Variants in TMEM74 observed in about 807,000 individuals in gnomAD.
TMEM74 encodes transmembrane protein 74.
A neutral mutation model predicts 18.1 loss-of-function variants in TMEM74; 13 were observed. That is an observed-to-expected ratio of 0.72 (90% confidence interval 0.47 to 1.14). The LOEUF is 1.14. Ranked by LOEUF, TMEM74 falls within the 50% of genes most tolerant of loss-of-function variation. The probability of loss-of-function intolerance (pLI) is 0.00; values close to 1 mark genes in which losing one functional copy is unlikely to be tolerated. For synonymous variants in TMEM74, 159 were observed against 146.6 expected, an observed-to-expected ratio of 1.08 and a Z score of -0.61; for missense variants, 372 against 375.9, an observed-to-expected ratio of 0.99 and a Z score of 0.09.
At chr8:108,736,807 G>C (rs900236685) in intron 1 of TMEM74, among the ~76,000 whole-genome samples, 7 of 152,100 alleles carry the variant, frequency 4.6e-5, no homozygotes, top group Admixed American at 6.5e-5. Context: ...CTAGTGGGCT[G>C]TATGAGTAGA....
chr8:108,752,914 A>G (rs1259929503), intron 1 of TMEM74, among the ~76,000 whole-genome samples: 1 of 152,060 alleles, frequency 6.6e-6, no homozygotes, highest in African/African-American at 2.4e-5. Flanking sequence ...AAAATCCTAT[A>G]AGTGAGCAGC....
At chr8:108,615,933 C>T (rs573146429) in intron 2 of TMEM74, among the ~76,000 whole-genome samples, 146 of 149,338 alleles carry the variant, frequency 9.8e-4, no homozygotes, top group African/African-American at 3.0e-3. Flanking sequence ...ACTACAGGCA[C>T]GTGCCACCAC....
intron 1 of TMEM74, among the ~76,000 whole-genome samples, chr8:108,720,045 G>A (rs1813570591): frequency 1.3e-5 from 2 of 152,108 alleles, no homozygotes; most frequent in African/African-American, 4.8e-5. Context: ...TGTTGTTCAT[G>A]TAAACAACCT....
At chr8:108,682,679 T>A (rs1813127595) in intron 1 of TMEM74, among the ~76,000 whole-genome samples, 1 of 152,052 alleles carries the variant, frequency 6.6e-6, no homozygotes, top group Non-Finnish European at 1.5e-5. Context: ...ATTATGCAGT[T>A]TGTAATTAAA....
chr8:108,696,358 A>G (rs756796134), intron 1 of TMEM74, among the ~76,000 whole-genome samples: 2 of 152,214 alleles, frequency 1.3e-5, no homozygotes, highest in Non-Finnish European at 2.9e-5. Flanking sequence ...AAGTTAAAAA[A>G]CTTGTTCAAA....
intron 1 of TMEM74, among the ~76,000 whole-genome samples, chr8:108,668,557 C>T (rs1283979286): frequency 2.6e-5 from 4 of 152,104 alleles, no homozygotes; most frequent in Non-Finnish European, 5.9e-5. Context: ...CTGACAGCTA[C>T]ACTTATTCCC....
rs529387227 is a variant in TMEM74 at position 108,768,756 on chromosome 8, C to T, written n.119+18720G>A. ...TGCTGCTCTCAGGTCTGGCTCAAAC[C>T]TTCACCTGTTTCCCTAAGGATCATG... On this transcript the variant is annotated intron_variant and non_coding_transcript_variant, in intron 1 of 3. Coordinates refer to the TMEM74 transcript ENST00000518838. Among the ~76,000 whole-genome samples, 143 of 152,276 alleles carry T rather than the reference C, an allele frequency of 9.4e-4. 1 individual carries two copies. Among genetic ancestry groups the T allele is most frequent in the Non-Finnish European group, 1.8e-3 (122 of 68,018 alleles).
chr8:108,700,610 A>G (rs1206117719), intron 1 of TMEM74, among the ~76,000 whole-genome samples: 1 of 152,164 alleles, frequency 6.6e-6, no homozygotes, highest in African/African-American at 2.4e-5. Flanking sequence ...GAGAAGTGCA[A>G]TCAGATAGCA....
chr8:108,694,688 C>G (rs1211835247), intron 1 of TMEM74, among the ~76,000 whole-genome samples: 5 of 152,210 alleles, frequency 3.3e-5, no homozygotes, highest in Non-Finnish European at 7.3e-5. Flanking sequence ...TGCATACATA[C>G]ATACACATAT....
At chr8:108,739,770 G>A (rs1324384816) in intron 1 of TMEM74, among the ~76,000 whole-genome samples, 1 of 152,032 alleles carries the variant, frequency 6.6e-6, no homozygotes, top group East Asian at 1.9e-4. Context: ...TGGCTAGCTT[G>A]GGGACTGGGA....
chr8:108,632,272 G>A (rs1812560299), intron 2 of TMEM74, among the ~76,000 whole-genome samples: 1 of 151,916 alleles, frequency 6.6e-6, no homozygotes, highest in African/African-American at 2.4e-5. Context: ...TGATAGGACA[G>A]AAAAAATGCT....
At chr8:108,622,691 G>C (rs1180046356) in intron 2 of TMEM74, among the ~76,000 whole-genome samples, 1 of 151,890 alleles carries the variant, frequency 6.6e-6, no homozygotes, top group African/African-American at 2.4e-5. Context: ...TTTATAGTTT[G>C]GTATAATGTA....
At chr8:108,760,173 A>G (rs62509390) in intron 1 of TMEM74, among the ~76,000 whole-genome samples, 9,975 of 148,464 alleles carry the variant, frequency 0.067, 438 homozygotes, top group East Asian at 0.21. Flanking sequence ...AGAGAGAGAG[A>G]GGGAGAGAGA....
intron 1 of TMEM74, among the ~76,000 whole-genome samples, chr8:108,679,437 A>G (rs1813090154): frequency 6.6e-6 from 1 of 152,162 alleles, no homozygotes; most frequent in Non-Finnish European, 1.5e-5. Context: ...AATGATTGTC[A>G]TTCTAACTGG....
chr8:108,742,826 C>T (rs1013683174), intron 1 of TMEM74, among the ~76,000 whole-genome samples: 6 of 152,080 alleles, frequency 3.9e-5, no homozygotes, highest in African/African-American at 1.4e-4. Flanking sequence ...TAGAGACTTC[C>T]GTGTGAATCA....
chr8:108,652,853 T>C, intron 2 of TMEM74: 1 of 529,100 alleles, frequency 1.9e-6, no homozygotes, highest in Non-Finnish European at 3.7e-6. Context: ...ATGGTTCAGA[T>C]GAAATCTAAT....
In TMEM74 at chr8:108,724,364, C is replaced by A. The variant is rs191634836; in HGVS notation, n.119+63112G>T. ...TTATTTAATTGAGTATCAACAGAAC[C>A]TCCCAGAGTGCAGAACATCATAGCT... On this transcript the variant is annotated intron_variant and non_coding_transcript_variant, in intron 1 of 3. Coordinates refer to the TMEM74 transcript ENST00000518838. Among the ~76,000 whole-genome samples the A allele has an allele frequency of 5.3e-5, 8 of 152,202 alleles. 1 individual carries two copies. Among genetic ancestry groups the A allele is most frequent in the Admixed American group, 4.6e-4 (7 of 15,284 alleles).
At chr8:108,786,961 C>T (rs972392273) in intron 1 of TMEM74, among the ~76,000 whole-genome samples, 1 of 152,150 alleles carries the variant, frequency 6.6e-6, no homozygotes, top group Non-Finnish European at 1.5e-5. Context: ...GCAGCACAGT[C>T]GATTTCCTTT....
rs563729429 is a variant in TMEM74 at position 108,669,799 on chromosome 8, AGGCTGAGGTG to A, written n.120-14372_120-14363del. Among the ~76,000 whole-genome samples, 21 of 152,202 alleles carry A rather than the reference AGGCTGAGGTG, an allele frequency of 1.4e-4. No homozygotes were observed. In the South Asian group the frequency reaches 4.3e-3, roughly 32 times the overall value. On this transcript the variant is annotated intron_variant and non_coding_transcript_variant, in intron 1 of 3. Transcript: ENST00000518838. ...ACGCCAGTAATCCCAGCACTTTGGG[AGGCTGAGGTG>A]GGCGGATCACCTAAGGTCAGGAGTT...
Sources: allele counts gnomAD v4.1 joint callset (sites outside exome capture counted in the v4.1 genomes callset), GRCh38; gene constraint gnomAD v4.1.1; transcripts MANE v1.5; gene names NCBI Gene and HGNC (gene_info 2026-07-23, HGNC 2026-07-21).